Variants in TAS2R1 observed in about 807,000 individuals in gnomAD.
TAS2R1 encodes the protein taste receptor type 2 member 1.
For missense variants in TAS2R1, 370 were observed against 353.4 expected (o/e 1.05, Z -0.38); for synonymous variants, 141 against 134.2 (o/e 1.05, Z -0.35).
At chr5:9,893,122 G>C in the TAS2R1 span, among the ~76,000 whole-genome samples, 3 of 152,008 alleles carry the variant, frequency 2.0e-5, no homozygotes, top group African/African-American at 2.4e-5. Flanking sequence ...CATGCAACCA[G>C]AGAGAAGGGC....
At chr5:9,689,699 A>G (rs1223042775) in intron 1 of TAS2R1, among the ~76,000 whole-genome samples, 1 of 152,052 alleles carries the variant, frequency 6.6e-6, no homozygotes, top group Non-Finnish European at 1.5e-5. Context: ...AAATATTATC[A>G]CTTAAAAAAA....
chr5:9,731,231 C>A, the TAS2R1 span, among the ~76,000 whole-genome samples: 1 of 152,184 alleles, frequency 6.6e-6, no homozygotes, highest in South Asian at 2.1e-4. Flanking sequence ...CCCCACCACA[C>A]TCCACTCAAA....
chr5:9,658,717 G>A (rs1312068598), intron 2 of TAS2R1: 1 of 152,188 alleles, frequency 6.6e-6, no homozygotes, highest in African/African-American at 2.4e-5. Context: ...TGGTAGCAAT[G>A]TGAGTTGATA....
At chr5:9,742,602 A>G in the TAS2R1 span, among the ~76,000 whole-genome samples, 3 of 152,208 alleles carry the variant, frequency 2.0e-5, no homozygotes, top group Non-Finnish European at 4.4e-5. Flanking sequence ...TCTGTGAAAA[A>G]CAATCCAAGG....
chr5:9,828,389 G>C, the TAS2R1 span, among the ~76,000 whole-genome samples: 1 of 152,312 alleles, frequency 6.6e-6, no homozygotes, highest in East Asian at 1.9e-4. Context: ...GGCTCCCAAA[G>C]TGCTGGGATT....
chr5:9,655,355 C>T (rs1181023937), intron 2 of TAS2R1, among the ~76,000 whole-genome samples: 4 of 151,958 alleles, frequency 2.6e-5, no homozygotes, highest in Middle Eastern at 3.2e-3. Flanking sequence ...ACAAATATAA[C>T]TACTTCAAAA....
chr5:9,833,003 G>T, the TAS2R1 span, among the ~76,000 whole-genome samples: 5 of 152,164 alleles, frequency 3.3e-5, no homozygotes, highest in African/African-American at 1.2e-4. Context: ...CAGGTAAGGC[G>T]GGACGACAAG....
At chr5:9,645,220 G>T (rs944489643) in intron 2 of TAS2R1, among the ~76,000 whole-genome samples, 1 of 152,100 alleles carries the variant, frequency 6.6e-6, no homozygotes, top group Non-Finnish European at 1.5e-5. Flanking sequence ...ACATCAATTT[G>T]TCCTCTTGAC....
chr5:9,815,857 A>C, the TAS2R1 span, among the ~76,000 whole-genome samples: 1 of 152,152 alleles, frequency 6.6e-6, no homozygotes, highest in Non-Finnish European at 1.5e-5. Context: ...GGATTCTATA[A>C]CTCCACCAGC....
chr5:9,633,795 G>GT (rs565508390), upstream of TAS2R1, among the ~76,000 whole-genome samples: 409 of 150,282 alleles, frequency 2.7e-3, 3 homozygotes, highest in African/African-American at 8.5e-3. Flanking sequence ...GGGATTATTG[G>GT]TTTTTTTTTC....
chr5:9,790,615 G>A, the TAS2R1 span, among the ~76,000 whole-genome samples: 5 of 152,168 alleles, frequency 3.3e-5, no homozygotes, highest in African/African-American at 1.2e-4. Context: ...GTGTGCATGT[G>A]TGTGTGTAAA....
chr5:9,832,345 T>C, the TAS2R1 span, among the ~76,000 whole-genome samples: 4 of 152,208 alleles, frequency 2.6e-5, no homozygotes, highest in Non-Finnish European at 4.4e-5. Flanking sequence ...AACATGCTGG[T>C]GATTGTCCTG....
the TAS2R1 span, among the ~76,000 whole-genome samples, chr5:9,749,362 A>T: frequency 6.6e-6 from 1 of 152,222 alleles, no homozygotes; most frequent in Non-Finnish European, 1.5e-5. Context: ...TAAGTGGATA[A>T]AAAAGAGTGA....
At chr5:9,894,353 A>G in the TAS2R1 span, among the ~76,000 whole-genome samples, 15,813 of 151,732 alleles carry the variant, frequency 0.1, 840 homozygotes, top group African/African-American at 0.13. Context: ...GCAGTGAGCC[A>G]AGATCACGCC....
chr5:9,752,599 G>C, the TAS2R1 span, among the ~76,000 whole-genome samples: 1 of 152,006 alleles, frequency 6.6e-6, no homozygotes, highest in Non-Finnish European at 1.5e-5. Context: ...TGCACAACAT[G>C]CAGGTTTGTT....
the TAS2R1 span, among the ~76,000 whole-genome samples, chr5:9,886,017 AT>A: frequency 1.3e-5 from 2 of 151,402 alleles, no homozygotes; most frequent in East Asian, 1.9e-4. Flanking sequence ...TTCAAATATG[AT>A]TTTTTTATAT....
the TAS2R1 span, among the ~76,000 whole-genome samples, chr5:9,875,414 T>C: frequency 9.9e-4 from 151 of 152,328 alleles, no homozygotes; most frequent in African/African-American, 3.6e-3. Flanking sequence ...AGAAAGAGTC[T>C]TGGAGTCTTG....
At chr5:9,875,965 T>C in the TAS2R1 span, among the ~76,000 whole-genome samples, 2 of 152,164 alleles carry the variant, frequency 1.3e-5, no homozygotes, top group African/African-American at 2.4e-5. Context: ...CATTTCTGCA[T>C]TGTAACTCCC....
chr5:9,762,296 G>T, the TAS2R1 span, among the ~76,000 whole-genome samples: 1 of 152,068 alleles, frequency 6.6e-6, no homozygotes, highest in Non-Finnish European at 1.5e-5. Flanking sequence ...CTGCTCAAAG[G>T]AATTTCTGCA....
Sources: allele counts gnomAD v4.1 joint callset (sites outside exome capture counted in the v4.1 genomes callset), GRCh38; gene constraint gnomAD v4.1.1; transcripts MANE v1.5; gene names NCBI Gene and HGNC (gene_info 2026-07-23, HGNC 2026-07-21).